TAS1R2: variants seen among roughly 807,000 people sequenced by gnomAD.
TAS1R2 encodes taste 1 receptor member 2.
TAS1R2 carries 47 observed loss-of-function variants against 49.3 expected under a neutral mutation model. The ratio of observed to expected loss-of-function variants is 0.95; its 90% CI spans 0.75 to 1.22. The LOEUF is 1.22. TAS1R2 is among the 50% of genes most tolerant of loss of function. TAS1R2 has a pLI of 0.00. For missense variants in TAS1R2, 1,155 were observed against 1,122.1 expected (o/e 1.03, Z -0.42); for synonymous variants, 479 against 467.9 (o/e 1.02, Z -0.31).
intron 1 of TAS1R2, 150 bp from the exon 2 acceptor site, chr1:18,857,781 T>C (rs1305957525): frequency 1.9e-5 from 16 of 824,488 alleles, no homozygotes; most frequent in Non-Finnish European, 2.8e-5. Context: ...ATTTTCACCA[T>C]GTCATTGTCA....
chr1:18,840,310 C>T lies in TAS1R2; in HGVS notation c.1809G>A (p.Met603Ile), dbSNP rs146370371. ...GCAGCAGTGTCAGCATCAGGAAGCA[C>T]ATGGGGCCCCCAGCCGAGCGAACTA... is the stretch of plus-strand genomic sequence containing the variant. Residue 603 changes from methionine to isoleucine, a missense_variant, in exon 6 of 6, where the codon ATG becomes ATA. Transcript: ENST00000375371. The T allele has an allele frequency of 1.2e-5, 19 of 1,614,106 alleles. No homozygotes were observed. Among genetic ancestry groups the T allele is most frequent in the East Asian group, 2.2e-5 (1 of 44,884 alleles).
chr1:18,859,254 A>T (rs557443656), intron 1 of TAS1R2, among the ~76,000 whole-genome samples: 1 of 152,336 alleles, frequency 6.6e-6, no homozygotes, highest in South Asian at 2.1e-4. Flanking sequence ...AGATGACCCC[A>T]GTCTCAGTGT....
At chr1:18,851,046 T>C (rs72948201) in intron 3 of TAS1R2, among the ~76,000 whole-genome samples, 50,870 of 152,052 alleles carry the variant, frequency 0.33, 9,808 homozygotes, top group Non-Finnish European at 0.44. Flanking sequence ...GGCTCAGAGA[T>C]ATTAAATTTG....
intron 4 of TAS1R2, 194 bp downstream of exon 4, chr1:18,849,147 G>A (rs1569666990): frequency 3.2e-6 from 2 of 629,142 alleles, no homozygotes; most frequent in Non-Finnish European, 2.7e-6. Context: ...AAACCAGAAA[G>A]CCCTGAACAG....
At position 18,854,911 on chromosome 1, in the gene TAS1R2, C is replaced by A; in HGVS notation, c.559G>T (p.Ala187Ser). 1 of 1,613,376 alleles carries A rather than the reference C, an allele frequency of 6.2e-7. No individual in the cohort carries two copies. The highest frequency in any genetic ancestry group is 1.1e-5 in the South Asian group (1 of 91,082). The change falls in exon 3 of 6, where the codon GCC (alanine) becomes TCC (serine). Residue 187 changes from alanine (A) to serine (S), a missense_variant. Ala to Ser is a moderately conservative substitution (Grantham distance 99). Coordinates refer to ENST00000375371, the Ensembl canonical transcript of TAS1R2. The surrounding 1 kb of genome is among the most constrained non-coding windows in gnomAD (Gnocchi z 4.9). ...ACCATGGCCTCGATGTGGTGGTCGG[C>A]GCTGGGTGTGGTACGCAGCAAAGCC...
chr1:18,859,016 G>A (rs1934191836), intron 1 of TAS1R2, among the ~76,000 whole-genome samples: 1 of 152,162 alleles, frequency 6.6e-6, no homozygotes, highest in Non-Finnish European at 1.5e-5. Flanking sequence ...GCTCAGGGAG[G>A]AGGTGGGGGA....
intron 3 of TAS1R2, among the ~76,000 whole-genome samples, chr1:18,852,187 C>T (rs1354758738): frequency 1.3e-5 from 2 of 151,916 alleles, no homozygotes; most frequent in African/African-American, 2.4e-5. Context: ...AACACAATCA[C>T]AACTTGGGAT....
At chr1:18,849,303 G>A (rs769671494) in intron 4 of TAS1R2, 38 bp downstream of exon 4, 26 of 1,608,278 alleles carry the variant, frequency 1.6e-5, no homozygotes, top group Middle Eastern at 2.0e-4. Context: ...CCCAGGCCCC[G>A]CCCCAGGCCT....
rs148308581 is a variant in TAS1R2 at position 18,851,619 on chromosome 1, G to A, written c.1258-2069C>T. Among the ~76,000 whole-genome samples the A allele has an allele frequency of 3.6e-3, 545 of 152,156 alleles. 1 individual carries two copies. Among genetic ancestry groups the A allele is most frequent in the African/African-American group, 0.012 (518 of 41,496 alleles). Reference sequence around the variant, plus strand: ...GCTGGGATTACAGGTGTGAGCCACCGCACCCGGCCAACCTGCTGAACAGTT... The same window carrying A: ...GCTGGGATTACAGGTGTGAGCCACCACACCCGGCCAACCTGCTGAACAGTT... On this transcript the variant is annotated intron_variant, in intron 3 of 5. Coordinates refer to ENST00000375371, the Ensembl canonical transcript of TAS1R2.
intron 3 of TAS1R2, among the ~76,000 whole-genome samples, chr1:18,852,790 C>T (rs1934056126): frequency 6.6e-6 from 1 of 152,238 alleles, no homozygotes; most frequent in South Asian, 2.1e-4. Context: ...TTCAGTCCTG[C>T]CTTCCCTGAC....
At chr1:18,840,625 G>C (rs1239734569) in intron 5 of TAS1R2, 98 bp from the exon 6 acceptor site, 9 of 1,314,336 alleles carry the variant, frequency 6.8e-6, no homozygotes, top group Non-Finnish European at 9.7e-6. Flanking sequence ...GATGAAGAGA[G>C]AGCACCAAGG....
chr1:18,859,516 C>G lies in TAS1R2; in HGVS notation c.145G>C (p.Val49Leu), dbSNP rs772662181. ...GGCACCTGCAGGAAGTTAAGGTGAA[C>G]AATGCCCTTCATGTTGGCATGGAGG... The change falls in exon 1 of 6, where the codon GTT (valine) becomes CTT (leucine). Residue 49 changes from valine (V) to leucine (L), a missense_variant. Val to Leu is a conservative substitution (Grantham distance 32, BLOSUM62 1). Transcript: ENST00000375371. 5 of 1,614,036 alleles carry G rather than the reference C, an allele frequency of 3.1e-6. No individual in the cohort carries two copies. In the South Asian group the frequency reaches 4.4e-5, roughly 14 times the overall value.
At position 18,840,821 on chromosome 1, in the gene TAS1R2, C is replaced by T. The variant is rs561011920; in HGVS notation, c.1592-294G>A. Among the ~76,000 whole-genome samples, 4 of 152,380 alleles carry T rather than the reference C, an allele frequency of 2.6e-5. No individual in the cohort carries two copies. The South Asian group carries it at 8.3e-4, about 32-fold the overall frequency. On this transcript the variant is annotated intron_variant, in intron 5 of 5. Transcript: ENST00000375371. The stretch of plus-strand genomic sequence containing the variant: ...GTCTCCTTGACCCAGAGCCTACCAA[C>T]TGCAGTTCCTCCCTTCCAAGACCTC...
chr1:18,849,649 AT>A, intron 3 of TAS1R2, 99 bp from the exon 4 acceptor site: 1 of 1,339,700 alleles, frequency 7.5e-7, no homozygotes, highest in Non-Finnish European at 1.0e-6. Context: ...ATTAGCCTTG[AT>A]TTCCAACTCT....
chr1:18,841,694 G>T lies in TAS1R2; in HGVS notation c.1591+35C>A, dbSNP rs560133540. Reference sequence around the variant, plus strand: ...CAGGGGCAGGGCAGGGGCAGGGCAGGGGCAGGGCAGGAGTGCTAGGCCTGT... The same window carrying T: ...CAGGGGCAGGGCAGGGGCAGGGCAGTGGCAGGGCAGGAGTGCTAGGCCTGT... On this transcript the variant is annotated intron_variant, in intron 5 of 5. Coordinates refer to ENST00000375371, the Ensembl canonical transcript of TAS1R2. 21 of 1,598,720 alleles carry T rather than the reference G, an allele frequency of 1.3e-5. No homozygotes were observed. In the South Asian group the frequency reaches 2.3e-4, roughly 18 times the overall value.
exon 4 of TAS1R2, chr1:18,849,519 G>A (rs759116535): frequency 5.6e-6 from 9 of 1,614,128 alleles, no homozygotes; most frequent in East Asian, 2.2e-5. Flanking sequence ...GTCCAGGAGA[G>A]TGAAGTTGAC....
chr1:18,842,589 A>C (rs937633043), intron 4 of TAS1R2, among the ~76,000 whole-genome samples: 2 of 152,284 alleles, frequency 1.3e-5, no homozygotes, highest in Non-Finnish European at 2.9e-5. Flanking sequence ...ACATGTGGAA[A>C]TTAAACAACA....
exon 6 of TAS1R2, chr1:18,839,914 G>A (rs1557594459): frequency 1.2e-6 from 2 of 1,614,244 alleles, no homozygotes; most frequent in Admixed American, 1.7e-5. Context: ...AGAGCAGCAG[G>A]TCCAGGCTGG....
chr1:18,847,696 A>G (rs1933947677), intron 4 of TAS1R2, among the ~76,000 whole-genome samples: 1 of 152,238 alleles, frequency 6.6e-6, no homozygotes, highest in Non-Finnish European at 1.5e-5. Flanking sequence ...GGATCTTTAG[A>G]TTGACAGATG....
Sources: gnomAD v4.1 joint callset for allele counts (sites outside exome capture counted in the v4.1 genomes callset) on GRCh38, gnomAD v4.1.1 for gene constraint, Gnocchi (gnomAD v3.1) non-coding constraint, MANE v1.5 for transcripts, NCBI Gene and HGNC (gene_info 2026-07-23, HGNC 2026-07-21) for gene names.